Variants in CDK17 observed in about 807,000 individuals in gnomAD.
CDK17 encodes the protein cyclin-dependent kinase 17.
In CDK17, 24 loss-of-function variants were observed where a neutral mutation model predicts 77.6. That is an observed-to-expected ratio of 0.31 (90% confidence interval 0.22 to 0.44). CDK17 has a LOEUF of 0.44. CDK17 is among the 20% of genes least tolerant of loss of function. CDK17 has a pLI of 1.00. For missense variants in CDK17, 429 were observed against 622.5 expected, an observed-to-expected ratio of 0.69 and a Z score of 3.31; for synonymous variants, 203 against 210.4, an observed-to-expected ratio of 0.96 and a Z score of 0.30.
At chr12:96,372,459 A>C (rs192803452) in intron 1 of CDK17, among the ~76,000 whole-genome samples, 3 of 152,342 alleles carry the variant, frequency 2.0e-5, no homozygotes, top group Admixed American at 6.5e-5. Context: ...CTAATCCTCC[A>C]TCACATTACT....
intron 1 of CDK17, among the ~76,000 whole-genome samples, chr12:96,396,298 C>T (rs1347688009): frequency 6.6e-6 from 1 of 152,182 alleles, no homozygotes; most frequent in Non-Finnish European, 1.5e-5. Flanking sequence ...TCAAAAGTAA[C>T]CACCAACTAA....
At position 96,334,876 on chromosome 12, in the gene CDK17, A is replaced by G. The variant is rs775837206; in HGVS notation, c.-29-11T>C. On this transcript the variant is annotated splice_polypyrimidine_tract_variant and intron_variant, in intron 1 of 16. Coordinates refer to ENST00000261211, the MANE Select transcript of CDK17 (RefSeq NM_002595.5). ...GTGGCTTGAAAAATCCTGAAAGAAA[A>G]GAATAAACACAAAACTAAAGCTATA... The G allele has an allele frequency of 9.6e-7, 1 of 1,038,066 alleles. No individual in the cohort carries two copies. The highest frequency in any genetic ancestry group is 1.5e-6 in the Non-Finnish European group (1 of 659,984). 64.3% of individuals were successfully genotyped at this position (1,038,066 alleles called of 1,614,324 possible). A position where few individuals can be genotyped will look rare whatever the true frequency, so the allele number is the denominator to read the frequency against.
rs149595808 is a variant in CDK17 at position 96,341,344 on chromosome 12, C to CACACACACACGT, written c.-29-6480_-29-6479insACGTGTGTGTGT. Among the ~76,000 whole-genome samples the CACACACACACGT allele has an allele frequency of 2.4e-3, 361 of 149,906 alleles. 2 individuals are homozygous for CACACACACACGT. The highest frequency in any genetic ancestry group is 7.7e-3 in the African/African-American group (308 of 40,214). On this transcript the variant is annotated intron_variant, in intron 1 of 16. Coordinates refer to ENST00000261211, the MANE Select transcript of CDK17 (RefSeq NM_002595.5). ...ACACACACACACACACACACACACA[C>CACACACACACGT]GTCTCATATATGTACGTGTGTGTAC...
chr12:96,361,316 A>C (rs955203145), intron 1 of CDK17, among the ~76,000 whole-genome samples: 4 of 152,218 alleles, frequency 2.6e-5, no homozygotes, highest in East Asian at 1.9e-4. Flanking sequence ...GAACAGGAAG[A>C]AGAAGCAAAC....
At chr12:96,339,567 AC>A (rs911318208) in intron 1 of CDK17, among the ~76,000 whole-genome samples, 6 of 151,828 alleles carry the variant, frequency 4.0e-5, no homozygotes, top group African/African-American at 1.5e-4. Flanking sequence ...AAAAAAAAAA[AC>A]CTTAGTGGCT....
chr12:96,365,253 G>T (rs1176423573), intron 1 of CDK17, among the ~76,000 whole-genome samples: 1 of 152,000 alleles, frequency 6.6e-6, no homozygotes, highest in Non-Finnish European at 1.5e-5. Flanking sequence ...AAAATAACAT[G>T]AATAACATCA....
intron 2 of CDK17, among the ~76,000 whole-genome samples, chr12:96,329,514 G>A (rs903562126): frequency 1.3e-5 from 2 of 151,884 alleles, no homozygotes; most frequent in African/African-American, 4.8e-5. Flanking sequence ...CAATTTCATA[G>A]CCCAACTTGT....
intron 1 of CDK17, among the ~76,000 whole-genome samples, chr12:96,355,571 A>AT (rs1953381658): frequency 6.6e-6 from 1 of 150,902 alleles, no homozygotes; most frequent in Non-Finnish European, 1.5e-5. Context: ...TGTCCACCTA[A>AT]TTTTTTCTGT....
intron 3 of CDK17, among the ~76,000 whole-genome samples, chr12:96,315,893 C>G (rs1325570039): frequency 6.6e-6 from 1 of 152,058 alleles, no homozygotes; most frequent in South Asian, 2.1e-4. Context: ...GCTCAACTCC[C>G]AAAGTGCTAC....
chr12:96,353,943 G>C (rs1953355320), intron 1 of CDK17, among the ~76,000 whole-genome samples: 1 of 152,148 alleles, frequency 6.6e-6, no homozygotes, highest in African/African-American at 2.4e-5. Context: ...GTGAGTCTGA[G>C]AGCTGCACTT....
chr12:96,322,522 G>C (rs1187571059), intron 3 of CDK17, among the ~76,000 whole-genome samples: 2 of 149,252 alleles, frequency 1.3e-5, no homozygotes, highest in African/African-American at 2.5e-5. Flanking sequence ...CCCTGGTCTA[G>C]ACAAACAAGA....
chr12:96,397,584 T>C (rs1287692615), intron 1 of CDK17, among the ~76,000 whole-genome samples: 1 of 152,196 alleles, frequency 6.6e-6, no homozygotes, highest in Non-Finnish European at 1.5e-5. Context: ...TAATTCTACA[T>C]TTACATTTTT....
intron 13 of CDK17, among the ~76,000 whole-genome samples, chr12:96,283,906 C>T (rs181515950): frequency 1.3e-5 from 2 of 152,154 alleles, no homozygotes; most frequent in Non-Finnish European, 2.9e-5. Context: ...TAAAAATCAC[C>T]ATGCTGTCTC....
chr12:96,391,734 C>T lies in CDK17; in HGVS notation c.-30+8252G>A, dbSNP rs143317507. Among the ~76,000 whole-genome samples, 657 of 152,242 alleles carry T rather than the reference C, an allele frequency of 4.3e-3. 14 individuals are homozygous for T. The highest frequency in any genetic ancestry group is 0.015 in the African/African-American group (626 of 41,544). ...AAAAGACAACAATCTTTGAAGGCCA[C>T]ACCCCTTTTCTCTCCATTTTCACTA... On this transcript the variant is annotated intron_variant, in intron 1 of 16. Transcript: ENST00000261211.
At chr12:96,359,021 C>T (rs1329166557) in intron 1 of CDK17, among the ~76,000 whole-genome samples, 1 of 149,496 alleles carries the variant, frequency 6.7e-6, no homozygotes, top group East Asian at 1.9e-4. Context: ...TATTTGACAT[C>T]ATTAGGTATA....
intron 3 of CDK17, among the ~76,000 whole-genome samples, chr12:96,316,890 C>G (rs372442076): frequency 5.3e-5 from 8 of 150,358 alleles, no homozygotes; most frequent in African/African-American, 2.0e-4. Context: ...AACTCTAAAA[C>G]GCAGAGTGCC....
intron 1 of CDK17, among the ~76,000 whole-genome samples, chr12:96,358,656 T>C (rs577726291): frequency 6.6e-6 from 1 of 152,134 alleles, no homozygotes; most frequent in South Asian, 2.1e-4. Context: ...ACCCCATCTC[T>C]AGTAAAAATA....
intron 8 of CDK17, 21 bp from the exon 9 acceptor site, chr12:96,297,353 G>A: frequency 6.6e-7 from 1 of 1,517,338 alleles, no homozygotes; most frequent in Non-Finnish European, 9.1e-7. Flanking sequence ...ACAGCACTCT[G>A]CTATGTGATA....
At position 96,311,144 on chromosome 12, in the gene CDK17, T is replaced by G; in HGVS notation, c.451A>C (p.Ile151Leu). 2 of 1,589,730 alleles carry G rather than the reference T, an allele frequency of 1.3e-6. No individual in the cohort carries two copies. Among genetic ancestry groups the G allele is most frequent in the Non-Finnish European group, 1.7e-6 (2 of 1,173,170 alleles). Reference protein sequence around the residue: ...LNKRLSLPADIRIPDGYLEKL... With the variant: ...LNKRLSLPADLRIPDGYLEKL... ...TCAAGATATCCATCAGGTATTCTGA[T>G]GTCTGCAGGCAGTGATAACCGCTTA... The change falls in exon 5 of 17, where the codon ATC (isoleucine) becomes CTC (leucine). Residue 151 changes from isoleucine to leucine, a missense_variant. Around this residue, in one of 4 missense-constraint regions of CDK17, gnomAD observed 262 missense variants for 385.4 expected, o/e 0.68. Coordinates refer to ENST00000261211, the MANE Select transcript of CDK17 (RefSeq NM_002595.5).
Sources: allele counts gnomAD v4.1 joint callset (sites outside exome capture counted in the v4.1 genomes callset), GRCh38; gene constraint gnomAD v4.1.1; regional missense constraint gnomAD v4.1.1; transcripts MANE v1.5; gene names NCBI Gene and HGNC (gene_info 2026-07-23, HGNC 2026-07-21).